Variants in RAB3IL1 observed in about 807,000 individuals in gnomAD.
The protein encoded by RAB3IL1 is RAB3A interacting protein like 1, also known as guanine nucleotide exchange factor for Rab-3A.
A neutral mutation model predicts 49.2 loss-of-function variants in RAB3IL1; 37 were observed. That is an observed-to-expected ratio of 0.75 (90% confidence interval 0.58 to 0.99). The LOEUF (loss-of-function observed/expected upper bound fraction) is 0.99. RAB3IL1 is among the 50% of genes least tolerant of loss of function. The pLI is 0.00. For missense variants in RAB3IL1, 484 were observed against 513.0 expected, an observed-to-expected ratio of 0.94 and a Z score of 0.55; for synonymous variants, 193 against 213.9, an observed-to-expected ratio of 0.90 and a Z score of 0.85.
Position 61,904,621 on chromosome 11 carries a change from G to A in RAB3IL1, c.824C>T (p.Thr275Met), listed in dbSNP as rs756430657. ...CGAAGCCACCGGCTCAATGGTGAGC[G>A]TGTTGTCCTCCACGGCGGCCCGTAC... ...VLVRAAVEDNTLTIEPVASQT... is the reference protein window; with the variant it reads ...VLVRAAVEDNMLTIEPVASQT... Residue 275 changes from threonine (T) to methionine (M), a missense_variant, in exon 7 of 10, where the codon ACG becomes ATG. Transcript: ENST00000394836. The A allele has an allele frequency of 9.3e-6, 15 of 1,612,992 alleles. No individual in the cohort carries two copies. The highest frequency in any genetic ancestry group is 5.0e-5 in the Admixed American group (3 of 59,880).
intron 4 of RAB3IL1, 39 bp downstream of exon 4, chr11:61,907,354 G>T (rs527854749): frequency 1.2e-6 from 2 of 1,602,998 alleles, no homozygotes; most frequent in East Asian, 2.2e-5. Context: ...GGCAGGGGGG[G>T]TGCCTGGGCT....
chr11:61,917,406 C>CCGCCGCGTCCTCCCAG lies in RAB3IL1; in HGVS notation c.-55_-40dup, dbSNP rs1369600966. The CCGCCGCGTCCTCCCAG allele has an allele frequency of 1.0e-4, 123 of 1,221,384 alleles. No individual in the cohort carries two copies. The highest frequency in any genetic ancestry group is 1.2e-4 in the Non-Finnish European group (117 of 983,340). The allele number at this position is 1,221,384 out of a possible 1,614,324, so 75.7% of individuals were successfully genotyped here. On this transcript the variant is annotated 5_prime_UTR_variant, in exon 1 of 10. Coordinates refer to ENST00000394836, the MANE Select transcript of RAB3IL1 (RefSeq NM_013401.4). ...GGCGCCCAGGCGTCCGTTCCCAGCG[C>CCGCCGCGTCCTCCCAG]CGCCGCGTCCTCCCAGCGCCGCGTC...
At chr11:61,945,438 G>A in the RAB3IL1 span, among the ~76,000 whole-genome samples, 9 of 152,184 alleles carry the variant, frequency 5.9e-5, no homozygotes, top group African/African-American at 1.7e-4. Flanking sequence ...CTGGGGCAGC[G>A]GGGAGTTGCT....
chr11:61,917,304 G>T, intron 1 of RAB3IL1, 53 bp downstream of exon 1: 1 of 1,355,268 alleles, frequency 7.4e-7, no homozygotes, highest in Non-Finnish European at 9.5e-7. Context: ...CCCGTCCCGG[G>T]AGGCGACCGC....
chr11:61,912,850 G>A (rs532991429), intron 1 of RAB3IL1, among the ~76,000 whole-genome samples: 31 of 152,062 alleles, frequency 2.0e-4, no homozygotes, highest in Admixed American at 5.2e-4. Context: ...AGAGGGGACA[G>A]CAGAGGGGAC....
chr11:61,938,025 A>T, the RAB3IL1 span: 1 of 152,138 alleles, frequency 6.6e-6, no homozygotes, highest in Non-Finnish European at 1.5e-5. Context: ...AAAAAACCCC[A>T]CATGATCCAA....
Position 61,906,206 on chromosome 11 carries a change from C to T in RAB3IL1, c.657+260G>A, listed in dbSNP as rs550678154. On this transcript the variant is annotated intron_variant, in intron 5 of 9. Transcript: ENST00000394836. This position sits in a 1 kb window ranked among gnomAD's most constrained non-coding sequence, Gnocchi z 4.6. ...AAGCCAGCCTCAGGTGCAGAGACCACTACCTACTGCTTGGAGTCAGTGGGG... is the reference window on the plus strand; with the variant it reads ...AAGCCAGCCTCAGGTGCAGAGACCATTACCTACTGCTTGGAGTCAGTGGGG... Among the ~76,000 whole-genome samples the T allele has an allele frequency of 4.2e-4, 64 of 152,302 alleles. No homozygotes were observed. The highest frequency in any genetic ancestry group is 1.5e-3 in the African/African-American group (62 of 41,562).
chr11:61,920,290 T>C, upstream of RAB3IL1: 1 of 1,231,170 alleles, frequency 8.1e-7, no homozygotes, highest in African/African-American at 1.5e-5. Context: ...ACACTAACCT[T>C]TGCTATCTCC....
chr11:61,933,505 A>G, the RAB3IL1 span, among the ~76,000 whole-genome samples: 1 of 152,190 alleles, frequency 6.6e-6, no homozygotes, highest in Admixed American at 6.5e-5. Context: ...TGGTGAGAAA[A>G]TAAGTTTCTG....
At chr11:61,929,621 C>G in the RAB3IL1 span, among the ~76,000 whole-genome samples, 4 of 149,432 alleles carry the variant, frequency 2.7e-5, no homozygotes, top group Non-Finnish European at 5.9e-5. Flanking sequence ...GAGTCTTGCT[C>G]TGTCGCCAGG....
intron 1 of RAB3IL1, among the ~76,000 whole-genome samples, chr11:61,909,856 C>T (rs928550402): frequency 9.9e-5 from 15 of 152,192 alleles, no homozygotes; most frequent in Non-Finnish European, 5.9e-5. Context: ...CCTGTAATCC[C>T]AGCACTTTGG....
Position 61,908,151 on chromosome 11 carries a change from G to T in RAB3IL1, c.167C>A (p.Ala56Asp). 1 of 1,572,960 alleles carries T rather than the reference G, an allele frequency of 6.4e-7. No homozygotes were observed. Among genetic ancestry groups the T allele is most frequent in the East Asian group, 2.4e-5 (1 of 42,264 alleles). The change falls in exon 2 of 10, where the codon GCC becomes GAC. Residue 56 changes from alanine to aspartate, a missense_variant. Coordinates refer to ENST00000394836, the MANE Select transcript of RAB3IL1 (RefSeq NM_013401.4). ...CAGGCGCAACACGTCCAGCTGGGCG[G>T]CTGCGGGGCCCTCCTGGCCTTGGGC... The part of the protein sequence containing the change: ...EEAQGQEGPA[A>D]AQLDVLRLRS...
intron 7 of RAB3IL1, among the ~76,000 whole-genome samples, chr11:61,903,745 A>C (rs1939036883): frequency 6.6e-6 from 1 of 152,026 alleles, no homozygotes; most frequent in Non-Finnish European, 1.5e-5. Flanking sequence ...GGTTGGTCTC[A>C]AACTCCTGAC....
intron 5 of RAB3IL1, among the ~76,000 whole-genome samples, chr11:61,905,870 G>A (rs1023731754): frequency 1.8e-4 from 27 of 152,188 alleles, no homozygotes; most frequent in Admixed American, 2.6e-4. Flanking sequence ...AAGCTGAGGT[G>A]CTGACAGGTG....
chr11:61,927,265 C>CT, the RAB3IL1 span, among the ~76,000 whole-genome samples: 1 of 152,130 alleles, frequency 6.6e-6, no homozygotes, highest in African/African-American at 2.4e-5. Flanking sequence ...TTCTGAGGCC[C>CT]TTATCAGAAG....
chr11:61,904,250 C>T (rs1052248791), intron 7 of RAB3IL1, among the ~76,000 whole-genome samples: 1 of 152,100 alleles, frequency 6.6e-6, no homozygotes, highest in Non-Finnish European at 1.5e-5. Context: ...GCCAGGGCTA[C>T]TGCGTCGTTA....
upstream of RAB3IL1, chr11:61,917,656 C>G: frequency 2.5e-6 from 2 of 813,628 alleles, no homozygotes; most frequent in Non-Finnish European, 1.5e-6. Context: ...CTCCCAAGGC[C>G]TGGCCCCACC....
chr11:61,907,473 A>C lies in RAB3IL1; in HGVS notation c.361-3T>G, dbSNP rs1312830015. 1 of 1,613,924 alleles carries C rather than the reference A, an allele frequency of 6.2e-7. No homozygotes were observed. The highest frequency in any genetic ancestry group is 8.5e-7 in the Non-Finnish European group (1 of 1,179,988). ...TCTCGAACCATCTTGTGAGCTTCCT[A>C]GGAAGAAGGCAGTCCCTGCGTGAGT... On this transcript the variant is annotated splice_polypyrimidine_tract_variant and splice_region_variant and intron_variant, in intron 3 of 9. Coordinates refer to ENST00000394836, the MANE Select transcript of RAB3IL1 (RefSeq NM_013401.4).
intron 4 of RAB3IL1, 83 bp downstream of exon 4, chr11:61,907,310 C>G (rs549657357): frequency 6.9e-6 from 10 of 1,444,076 alleles, no homozygotes; most frequent in South Asian, 1.2e-5. Context: ...AGCGTCCACT[C>G]GGGCAGCAAA....
Sources: gnomAD v4.1 joint callset for allele counts (sites outside exome capture counted in the v4.1 genomes callset) on GRCh38, gnomAD v4.1.1 for gene constraint, Gnocchi (gnomAD v3.1) non-coding constraint, MANE v1.5 for transcripts, NCBI Gene and HGNC (gene_info 2026-07-23, HGNC 2026-07-21) for gene names.